The following PDXDC1 variants were observed in gnomAD, a reference collection of about 807,000 sequenced individuals.
The protein encoded by PDXDC1 is pyridoxal dependent decarboxylase domain containing 1.
In PDXDC1, 42 loss-of-function variants were observed where a neutral mutation model predicts 100.1. That is an observed-to-expected ratio of 0.42 (90% CI 0.33 to 0.54). PDXDC1 has a LOEUF of 0.54. PDXDC1 is among the 20% of genes least tolerant of loss of function. PDXDC1 has a pLI of 0.10. For missense variants in PDXDC1, 636 were observed against 979.2 expected, an observed-to-expected ratio of 0.65 and a Z score of 4.68; for synonymous variants, 260 against 371.7, an observed-to-expected ratio of 0.70 and a Z score of 3.46.
At chr16:15,127,825 A>T (rs757475246) in intron 16 of PDXDC1, 25 of 1,562,796 alleles carry the variant, frequency 1.6e-5, no homozygotes, top group Middle Eastern at 4.5e-4. Context: ...GGAGAGCCAG[A>T]TGTGCTTGTC....
intron 14 of PDXDC1, among the ~76,000 whole-genome samples, chr16:15,028,485 T>C (rs1274969026): frequency 1.3e-5 from 2 of 152,410 alleles, no homozygotes; most frequent in Non-Finnish European, 2.9e-5. Context: ...CTTACCTGCC[T>C]TCTGTCCCAA....
At chr16:15,076,336 G>A (rs1382001580) in intron 16 of PDXDC1, 17 of 600,160 alleles carry the variant, frequency 2.8e-5, no homozygotes, top group Admixed American at 5.9e-5. Flanking sequence ...GAACAAAAGT[G>A]AAACATACTT....
At chr16:15,151,930 C>CAA in the PDXDC1 span, among the ~76,000 whole-genome samples, 109 of 43,188 alleles carry the variant, frequency 2.5e-3, no homozygotes, top group African/African-American at 5.2e-3. Flanking sequence ...AACTCTGTCT[C>CAA]AAAAAAAAAA....
chr16:15,102,814 TC>T (rs1226875045), intron 16 of PDXDC1, among the ~76,000 whole-genome samples: 1 of 149,624 alleles, frequency 6.7e-6, no homozygotes, highest in East Asian at 2.0e-4. Context: ...GAGTTTGTGT[TC>T]CTGTAGTAGC....
At chr16:15,106,408 T>A (rs994060682) in intron 16 of PDXDC1, 1 of 591,378 alleles carries the variant, frequency 1.7e-6, no homozygotes, top group African/African-American at 1.9e-5. Context: ...TCCTCACAAC[T>A]GTACCCTTAC....
chr16:15,099,709 C>T (rs1253521484), intron 16 of PDXDC1, among the ~76,000 whole-genome samples: 5 of 152,118 alleles, frequency 3.3e-5, no homozygotes, highest in African/African-American at 1.2e-4. Context: ...GCAAAGTCAC[C>T]ACCCTGCCCA....
intron 22 of PDXDC1, 70 bp downstream of exon 22, chr16:15,035,623 C>A: frequency 1.1e-6 from 1 of 886,264 alleles, no homozygotes; most frequent in South Asian, 1.7e-5. Context: ...CGTTTGTTTT[C>A]TGGGTTCTTG....
chr16:15,050,486 A>C (rs959660476), intron 16 of PDXDC1, among the ~76,000 whole-genome samples: 1 of 152,154 alleles, frequency 6.6e-6, no homozygotes, highest in African/African-American at 2.4e-5. Context: ...TAATTCCAGC[A>C]CTTTGGGAGG....
intron 16 of PDXDC1, chr16:15,132,841 G>C (rs2048171804): frequency 6.3e-7 from 1 of 1,577,774 alleles, no homozygotes; most frequent in Non-Finnish European, 8.6e-7. Flanking sequence ...GCTCGTGCTT[G>C]GGCTCTGCCG....
chr16:14,984,274 C>G (rs1434159897), intron 1 of PDXDC1, among the ~76,000 whole-genome samples: 1 of 147,538 alleles, frequency 6.8e-6, no homozygotes, highest in East Asian at 2.1e-4. Flanking sequence ...TTCTGTCACT[C>G]TAGACCTCTT....
intron 16 of PDXDC1, chr16:15,094,362 C>T (rs570834777): frequency 3.6e-6 from 3 of 825,326 alleles, no homozygotes; most frequent in East Asian, 2.7e-5. Flanking sequence ...GTGGGGAGGG[C>T]GTATGCTCTC....
chr16:15,067,519 G>C (rs1196038302), intron 16 of PDXDC1, among the ~76,000 whole-genome samples: 1 of 138,606 alleles, frequency 7.2e-6, no homozygotes, highest in Non-Finnish European at 1.6e-5. Context: ...CCAGACCTGA[G>C]AGAACAGAAC....
chr16:14,985,478 G>C (rs981094340), intron 1 of PDXDC1, among the ~76,000 whole-genome samples: 1 of 152,150 alleles, frequency 6.6e-6, no homozygotes, highest in South Asian at 2.1e-4. Flanking sequence ...TAGTAGAGAC[G>C]GGGTTTCTAC....
chr16:15,099,087 C>A (rs2046454148), intron 16 of PDXDC1, among the ~76,000 whole-genome samples: 1 of 152,028 alleles, frequency 6.6e-6, no homozygotes, highest in South Asian at 2.1e-4. Context: ...CTAAGGCTGC[C>A]AAGTTTTTAA....
chr16:15,037,826 G>T lies in PDXDC1; in HGVS notation c.*1551G>T. On this transcript the variant is annotated 3_prime_UTR_variant, in exon 23 of 23. Transcript: ENST00000396410. The stretch of plus-strand genomic sequence containing the variant: ...AAAAAAACTGGACATCAATTTTTTA[G>T]TAAACCAAAAAATAAGTCTCAACAA... 2.1e-6 allele frequency: 1 copy of T among 467,866 alleles called. No homozygotes were observed. Among genetic ancestry groups the T allele is most frequent in the Non-Finnish European group, 3.7e-6 (1 of 267,084 alleles). The allele number at this position is 467,866 out of a possible 1,614,324, so 29.0% of individuals were successfully genotyped here. A position where few individuals can be genotyped will look rare whatever the true frequency, so the allele number is the denominator to read the frequency against.
intron 16 of PDXDC1, among the ~76,000 whole-genome samples, chr16:15,063,715 A>AAG (rs2044824435): frequency 1.3e-5 from 2 of 150,990 alleles, no homozygotes; most frequent in Admixed American, 1.3e-4. Flanking sequence ...AAAAAAAAAA[A>AAG]AAAAAAAGAA....
chr16:15,035,715 G>A (rs932961086), intron 22 of PDXDC1, among the ~76,000 whole-genome samples, 162 bp downstream of exon 22: 3 of 152,172 alleles, frequency 2.0e-5, no homozygotes, highest in African/African-American at 7.2e-5. Context: ...CAGCCTTGAA[G>A]AAATCCCACG....
intron 1 of PDXDC1, among the ~76,000 whole-genome samples, chr16:14,991,558 GCT>G (rs1209168291): frequency 7.1e-6 from 1 of 140,660 alleles, no homozygotes; most frequent in Non-Finnish European, 1.5e-5. Context: ...ACAGGTTGTT[GCT>G]CTGTCACCCA....
intron 12 of PDXDC1, among the ~76,000 whole-genome samples, chr16:15,019,507 A>G (rs2042021076): frequency 6.6e-6 from 1 of 152,294 alleles, no homozygotes; most frequent in African/African-American, 2.4e-5. Context: ...ATAACAAAAT[A>G]CCTTAGAGTG....
Sources: allele counts gnomAD v4.1 joint callset (sites outside exome capture counted in the v4.1 genomes callset), GRCh38; gene constraint gnomAD v4.1.1; transcripts MANE v1.5; gene names NCBI Gene and HGNC (gene_info 2026-07-23, HGNC 2026-07-21).